The following TSPAN5 variants were observed in gnomAD, a reference collection of about 807,000 sequenced individuals.
TSPAN5 encodes the protein tetraspanin 5.
TSPAN5 carries 10 observed loss-of-function variants against 37.1 expected under a neutral mutation model. That is an observed-to-expected ratio of 0.27 (90% confidence interval 0.17 to 0.46). The LOEUF (loss-of-function observed/expected upper bound fraction) is 0.46. Ranked by LOEUF, TSPAN5 falls within the 20% of genes least tolerant of loss-of-function variation. TSPAN5 has a pLI of 1.00. For missense variants in TSPAN5, 195 were observed against 326.6 expected (o/e 0.60, Z 3.11); for synonymous variants, 110 against 118.9 (o/e 0.93, Z 0.48).
intron 5 of TSPAN5, among the ~76,000 whole-genome samples, chr4:98,477,190 C>T (rs1405701142): frequency 2.6e-5 from 4 of 152,342 alleles, no homozygotes; most frequent in Admixed American, 6.5e-5. Context: ...GCGCACTGTG[C>T]GGCACCCGCT....
chr4:98,543,329 A>T (rs965434610), intron 1 of TSPAN5, among the ~76,000 whole-genome samples: 3 of 152,014 alleles, frequency 2.0e-5, no homozygotes, highest in African/African-American at 7.2e-5. Context: ...ATAATGTGTA[A>T]ATCATATCTG....
chr4:98,641,959 A>C (rs1317978254), intron 1 of TSPAN5, among the ~76,000 whole-genome samples: 4 of 152,220 alleles, frequency 2.6e-5, no homozygotes, highest in Non-Finnish European at 5.9e-5. Flanking sequence ...AAAGTGTTGA[A>C]CAGTGAGTAG....
At chr4:98,603,902 G>A (rs568338929) in intron 1 of TSPAN5, among the ~76,000 whole-genome samples, 1 of 152,060 alleles carries the variant, frequency 6.6e-6, no homozygotes. Context: ...AATCACTTCC[G>A]AGTTATGCAG....
chr4:98,530,736 C>T (rs999878717), intron 1 of TSPAN5, among the ~76,000 whole-genome samples: 1 of 94,466 alleles, frequency 1.1e-5, no homozygotes, highest in African/African-American at 4.0e-5. Flanking sequence ...ATTATACACA[C>T]ACACACACAC....
At chr4:98,638,382 T>A (rs1198618065) in intron 1 of TSPAN5, among the ~76,000 whole-genome samples, 2 of 152,200 alleles carry the variant, frequency 1.3e-5, no homozygotes, top group South Asian at 2.1e-4. Flanking sequence ...GGAGCTGAGA[T>A]GCTCTGAGGA....
At chr4:98,501,494 G>A (rs943380049) in intron 2 of TSPAN5, among the ~76,000 whole-genome samples, 4 of 152,218 alleles carry the variant, frequency 2.6e-5, no homozygotes, top group African/African-American at 2.4e-5. Flanking sequence ...ACTTGTTAGC[G>A]TCTAAGTGAT....
intron 1 of TSPAN5, among the ~76,000 whole-genome samples, chr4:98,535,624 T>C (rs1754212972): frequency 6.6e-6 from 1 of 152,172 alleles, no homozygotes; most frequent in African/African-American, 2.4e-5. Flanking sequence ...TCCTGGAGAG[T>C]GTTTTCCAAC....
At chr4:98,515,353 G>C (rs1753704966) in intron 1 of TSPAN5, among the ~76,000 whole-genome samples, 1 of 152,170 alleles carries the variant, frequency 6.6e-6, no homozygotes, top group South Asian at 2.1e-4. Flanking sequence ...CTGAGTGCTT[G>C]GCAAGTATTG....
intron 1 of TSPAN5, among the ~76,000 whole-genome samples, chr4:98,524,853 T>C (rs961960644): frequency 1.1e-4 from 17 of 152,192 alleles, no homozygotes; most frequent in African/African-American, 3.9e-4. Context: ...CAGACTTTAC[T>C]ATGCAGTTAT....
At chr4:98,656,152 A>C (rs1247443679) in intron 1 of TSPAN5, among the ~76,000 whole-genome samples, 1 of 152,158 alleles carries the variant, frequency 6.6e-6, no homozygotes, top group African/African-American at 2.4e-5. Context: ...AGCACTCTGC[A>C]ATTCTTTGAA....
intron 1 of TSPAN5, among the ~76,000 whole-genome samples, chr4:98,630,145 A>G (rs1756707747): frequency 6.6e-6 from 1 of 152,200 alleles, no homozygotes; most frequent in Non-Finnish European, 1.5e-5. Context: ...ACCTCTGAGT[A>G]TCTACTAAAC....
At chr4:98,519,790 C>T (rs1753813407) in intron 1 of TSPAN5, among the ~76,000 whole-genome samples, 1 of 152,196 alleles carries the variant, frequency 6.6e-6, no homozygotes, top group Non-Finnish European at 1.5e-5. Flanking sequence ...GGGGGCTGGA[C>T]AGCAGTTGGC....
intron 2 of TSPAN5, among the ~76,000 whole-genome samples, chr4:98,495,951 G>T (rs1372850550): frequency 6.6e-6 from 1 of 152,152 alleles, no homozygotes; most frequent in Non-Finnish European, 1.5e-5. Flanking sequence ...AGAGAGACAG[G>T]CCTATGAAAT....
At chr4:98,473,501 G>A (rs1264465389) in intron 7 of TSPAN5, among the ~76,000 whole-genome samples, 2 of 146,492 alleles carry the variant, frequency 1.4e-5, no homozygotes, top group Admixed American at 7.0e-5. Context: ...CGCCCAGGCC[G>A]GACTGCGGAC....
At chr4:98,567,964 A>G (rs1456536795) in intron 1 of TSPAN5, among the ~76,000 whole-genome samples, 1 of 152,122 alleles carries the variant, frequency 6.6e-6, no homozygotes, top group Non-Finnish European at 1.5e-5. Context: ...CATCTGTAAA[A>G]TGGGGATGAC....
intron 1 of TSPAN5, among the ~76,000 whole-genome samples, chr4:98,603,694 A>G (rs1446784535): frequency 6.6e-6 from 1 of 152,202 alleles, no homozygotes; most frequent in East Asian, 1.9e-4. Context: ...GTGGATCAGA[A>G]CTGTCTCAAA....
chr4:98,640,324 G>A lies in TSPAN5; in HGVS notation c.81+17822C>T, dbSNP rs72688497. On this transcript the variant is annotated intron_variant, in intron 1 of 7. Coordinates refer to ENST00000305798, the MANE Select transcript of TSPAN5 (RefSeq NM_005723.4). ...GAAATTTATTTCAGATTCAACTAAC[G>A]TATTTCAATTAGTAATTATGGGATA... Among the ~76,000 whole-genome samples the A allele has an allele frequency of 1.3e-3, 192 of 152,188 alleles. 1 individual carries two copies. Among genetic ancestry groups the A allele is most frequent in the African/African-American group, 1.8e-3 (76 of 41,516 alleles).
chr4:98,592,526 G>T (rs924913921), intron 1 of TSPAN5, among the ~76,000 whole-genome samples: 1 of 146,032 alleles, frequency 6.8e-6, no homozygotes, highest in Admixed American at 6.9e-5. Flanking sequence ...ATGCTGGTGC[G>T]CTGCACCCAC....
At chr4:98,562,006 CT>C (rs1754891771) in intron 1 of TSPAN5, among the ~76,000 whole-genome samples, 1 of 152,158 alleles carries the variant, frequency 6.6e-6, no homozygotes, top group African/African-American at 2.4e-5. Flanking sequence ...GTCCAGCCCC[CT>C]CAAAAGTAGG....
Sources: allele counts gnomAD v4.1 joint callset (sites outside exome capture counted in the v4.1 genomes callset), GRCh38; gene constraint gnomAD v4.1.1; transcripts MANE v1.5; gene names NCBI Gene and HGNC (gene_info 2026-07-23, HGNC 2026-07-21).